Variants in CADPS observed in about 807,000 individuals in gnomAD.
CADPS encodes the protein calcium-dependent secretion activator 1.
CADPS carries 57 observed loss-of-function variants against 167.3 expected under a neutral mutation model. The ratio of observed to expected loss-of-function variants is 0.34; its 90% CI spans 0.28 to 0.42. The LOEUF (loss-of-function observed/expected upper bound fraction) is 0.42. Among genes scored for constraint, CADPS ranks in the 20% least tolerant of loss-of-function variants. CADPS has a pLI of 1.00. For synonymous variants in CADPS, 676 were observed against 635.3 expected (o/e 1.06, Z -0.96); for missense variants, 1,414 against 1,738.1 (o/e 0.81, Z 3.32).
chr3:62,688,094 C>A (rs900579327), intron 3 of CADPS, among the ~76,000 whole-genome samples: 2 of 151,986 alleles, frequency 1.3e-5, no homozygotes, highest in Non-Finnish European at 2.9e-5. Flanking sequence ...ATCAGTTAAT[C>A]GAGAATCAAG....
At chr3:62,694,952 G>A (rs1171412066) in intron 3 of CADPS, among the ~76,000 whole-genome samples, 1 of 152,058 alleles carries the variant, frequency 6.6e-6, no homozygotes, top group Non-Finnish European at 1.5e-5. Flanking sequence ...CAGCAATCAA[G>A]GGTGGAAGTG....
chr3:62,477,864 C>T (rs528421383), intron 23 of CADPS: 55 of 186,578 alleles, frequency 2.9e-4, no homozygotes, highest in Admixed American at 1.1e-3. Context: ...ATACTGGATA[C>T]GCCAGCTCCA....
intron 6 of CADPS, among the ~76,000 whole-genome samples, chr3:62,599,994 A>G (rs1298865377): frequency 2.4e-5 from 3 of 126,560 alleles, no homozygotes; most frequent in African/African-American, 5.8e-5. Flanking sequence ...GGCCTGGAAC[A>G]CAGTAAATAT....
At chr3:62,757,460 A>G (rs1167717264) in intron 2 of CADPS, among the ~76,000 whole-genome samples, 6 of 152,078 alleles carry the variant, frequency 3.9e-5, no homozygotes, top group Admixed American at 6.6e-5. Flanking sequence ...CTCAGTAAAT[A>G]TTTGTGGAAT....
At chr3:62,533,699 T>TAA (rs1454475018) in intron 12 of CADPS, among the ~76,000 whole-genome samples, 3 of 152,308 alleles carry the variant, frequency 2.0e-5, no homozygotes, top group Admixed American at 6.5e-5. Context: ...AGGGTTGATC[T>TAA]ACATACATGC....
At chr3:62,750,521 G>GT (rs2082475362) in intron 3 of CADPS, among the ~76,000 whole-genome samples, 1 of 152,118 alleles carries the variant, frequency 6.6e-6, no homozygotes, top group Non-Finnish European at 1.5e-5. Flanking sequence ...ATATCCCATT[G>GT]TTTTGATGGT....
chr3:62,655,746 G>A (rs1196904207), intron 4 of CADPS, among the ~76,000 whole-genome samples: 1 of 152,098 alleles, frequency 6.6e-6, no homozygotes, highest in Non-Finnish European at 1.5e-5. Flanking sequence ...GTGACAGAAG[G>A]GCCGGTGCTA....
chr3:62,532,738 T>C, intron 13 of CADPS, 133 bp downstream of exon 13: 1 of 648,020 alleles, frequency 1.5e-6, no homozygotes, highest in Non-Finnish European at 2.7e-6. Context: ...TGTGTGTGTG[T>C]GTGTGTGTGT....
intron 1 of CADPS, among the ~76,000 whole-genome samples, chr3:62,790,136 A>G (rs894442168): frequency 1.3e-5 from 2 of 152,186 alleles, no homozygotes; most frequent in African/African-American, 2.4e-5. Context: ...GACACTAGAA[A>G]TGATTTAGAA....
intron 1 of CADPS, among the ~76,000 whole-genome samples, chr3:62,812,751 A>T (rs2094445670): frequency 6.6e-6 from 1 of 152,198 alleles, no homozygotes; most frequent in South Asian, 2.1e-4. Context: ...TCTGAATTAC[A>T]AGTGAGTGGA....
intron 1 of CADPS, among the ~76,000 whole-genome samples, chr3:62,833,872 G>A (rs1410166060): frequency 1.3e-5 from 2 of 151,974 alleles, no homozygotes; most frequent in African/African-American, 4.8e-5. Flanking sequence ...TACTAATTGG[G>A]AAAAATCAAA....
At chr3:62,869,755 C>A (rs1462538839) in intron 1 of CADPS, among the ~76,000 whole-genome samples, 1 of 152,130 alleles carries the variant, frequency 6.6e-6, no homozygotes, top group Non-Finnish European at 1.5e-5. Context: ...CCTGGGTGAG[C>A]GCTTGGTGCA....
intron 1 of CADPS, among the ~76,000 whole-genome samples, chr3:62,772,348 G>A (rs956748737): frequency 1.3e-5 from 2 of 152,202 alleles, no homozygotes; most frequent in Admixed American, 1.3e-4. Flanking sequence ...GGGTGGCCAT[G>A]TAACAGATGC....
intron 3 of CADPS, among the ~76,000 whole-genome samples, chr3:62,750,353 CAAAAAAAAAAAAAAA>C (rs56069272): frequency 2.2e-5 from 1 of 44,890 alleles, no homozygotes; most frequent in East Asian, 9.0e-4. Context: ...TCTTAAGCTC[CAAAAAAAAAAAAAAA>C]AAAAAAAAAA....
At chr3:62,404,428 A>G (rs1707609652) in intron 28 of CADPS, 1 of 152,598 alleles carries the variant, frequency 6.6e-6, no homozygotes, top group African/African-American at 2.4e-5. Flanking sequence ...CCTAACACTC[A>G]CAGTTTTTCC....
At chr3:62,639,562 C>T (rs893973748) in intron 6 of CADPS, among the ~76,000 whole-genome samples, 7 of 152,192 alleles carry the variant, frequency 4.6e-5, no homozygotes, top group African/African-American at 1.7e-4. Flanking sequence ...TTATTCCCCA[C>T]TCTAATACTA....
rs986039848 is a variant in CADPS at position 62,421,182 on chromosome 3, G to A, written c.3777+16922C>T. 3.3e-5 allele frequency among the ~76,000 whole-genome samples: 5 copies of A among 152,092 alleles called. No homozygotes were observed. Among genetic ancestry groups the A allele is most frequent in the African/African-American group, 7.2e-5 (3 of 41,416 alleles). On this transcript the variant is annotated intron_variant, in intron 28 of 29. Coordinates refer to ENST00000383710, the MANE Select transcript of CADPS (RefSeq NM_003716.4). The surrounding 1 kb of genome is among the most constrained non-coding windows in gnomAD (Gnocchi z 4.7). ...AGCCATGAGTTAATACGTGAGGCCCGGATCACTCTGCCTTGCCGTCAATGC... is the reference window on the plus strand; with the variant it reads ...AGCCATGAGTTAATACGTGAGGCCCAGATCACTCTGCCTTGCCGTCAATGC...
intron 21 of CADPS, among the ~76,000 whole-genome samples, chr3:62,488,779 C>T (rs1163672196): frequency 3.3e-5 from 5 of 152,214 alleles, no homozygotes; most frequent in Non-Finnish European, 5.9e-5. Flanking sequence ...TGTGAACAAC[C>T]ACACCCAGCC....
Position 62,770,359 on chromosome 3 carries a change from T to G in CADPS, c.442-4375A>C, listed in dbSNP as rs79606807. Among the ~76,000 whole-genome samples the G allele has an allele frequency of 2.2e-3, 342 of 152,356 alleles. 7 individuals carry two copies. The East Asian group carries it at 0.061, about 27-fold the overall frequency. ...CCTTATCTTCTCTAAGGTAAAATTA[T>G]TTAATTATAACATGTACCCAGAAAA... On this transcript the variant is annotated intron_variant, in intron 1 of 29. Transcript: ENST00000383710.
Sources: gnomAD v4.1 joint callset for allele counts (sites outside exome capture counted in the v4.1 genomes callset) on GRCh38, gnomAD v4.1.1 for gene constraint, Gnocchi (gnomAD v3.1) non-coding constraint, MANE v1.5 for transcripts, NCBI Gene and HGNC (gene_info 2026-07-23, HGNC 2026-07-21) for gene names.